The following MAST2 variants were observed in gnomAD, a reference collection of about 807,000 sequenced individuals.
MAST2 encodes the protein microtubule associated serine/threonine kinase 2.
MAST2 carries 70 observed loss-of-function variants against 147.4 expected under a neutral mutation model. The ratio of observed to expected loss-of-function variants is 0.47; its 90% CI spans 0.39 to 0.58. The LOEUF (loss-of-function observed/expected upper bound fraction) is 0.58, where lower values mean the gene tolerates loss of function less well. Among genes scored for constraint, MAST2 ranks in the 20% least tolerant of loss-of-function variants. The probability of loss-of-function intolerance (pLI) is 0.00; values close to 1 mark genes in which losing one functional copy is unlikely to be tolerated. For synonymous variants in MAST2, 869 were observed against 896.8 expected (o/e 0.97, Z 0.55); for missense variants, 2,080 against 2,302.3 (o/e 0.90, Z 1.98).
At chr1:45,962,700 A>C (rs1660607228) in intron 5 of MAST2, among the ~76,000 whole-genome samples, 1 of 151,846 alleles carries the variant, frequency 6.6e-6, no homozygotes, top group Admixed American at 6.6e-5. Context: ...GATTGCAAAA[A>C]TTTTCTCCCA....
intron 4 of MAST2, among the ~76,000 whole-genome samples, chr1:45,899,778 G>A (rs1557882925): frequency 6.6e-6 from 1 of 151,900 alleles, no homozygotes; most frequent in African/African-American, 2.4e-5. Context: ...ACCAGTGTAG[G>A]TGTCTTTTTG....
chr1:45,815,460 G>A (rs78946735), intron 1 of MAST2, among the ~76,000 whole-genome samples: 1 of 152,088 alleles, frequency 6.6e-6, no homozygotes, highest in African/African-American at 2.4e-5. Context: ...GTGAGCCACC[G>A]TGACTGGTCA....
rs369364052 is a variant in MAST2 at position 46,000,036 on chromosome 1, G to A, written c.668+2237G>A. Among the ~76,000 whole-genome samples, 513 of 152,242 alleles carry A rather than the reference G, an allele frequency of 3.4e-3. 1 individual carries two copies. The highest frequency in any genetic ancestry group is 0.012 in the African/African-American group (491 of 41,548). On this transcript the variant is annotated intron_variant, in intron 6 of 28. Transcript: ENST00000361297. ...TGCATGAAAGAACAGGAAGAGGGCCGGGCACAGTGGCTCACGCCTGTAATC... is the reference window on the plus strand; with the variant it reads ...TGCATGAAAGAACAGGAAGAGGGCCAGGCACAGTGGCTCACGCCTGTAATC...
chr1:45,874,068 G>T (rs1210790908), intron 3 of MAST2, among the ~76,000 whole-genome samples: 3 of 152,088 alleles, frequency 2.0e-5, no homozygotes, highest in Non-Finnish European at 4.4e-5. Context: ...CAATCCTCTC[G>T]CCTCGGCATC....
At chr1:45,819,414 C>A (rs4330954) in intron 1 of MAST2, among the ~76,000 whole-genome samples, 2,983 of 152,118 alleles carry the variant, frequency 0.02, 114 homozygotes, top group African/African-American at 0.069. Flanking sequence ...GAAAAGAAGT[C>A]AAATTATCCT....
At chr1:45,949,165 A>G (rs1557950511) in intron 4 of MAST2, among the ~76,000 whole-genome samples, 1 of 152,018 alleles carries the variant, frequency 6.6e-6, no homozygotes. Context: ...GGACACAGGA[A>G]TGGGCAGATT....
chr1:45,950,351 C>T (rs1658749153), intron 4 of MAST2, among the ~76,000 whole-genome samples: 2 of 152,198 alleles, frequency 1.3e-5, no homozygotes, highest in Admixed American at 1.3e-4. Context: ...TTAGAATGGA[C>T]ACCCCCTACA....
At chr1:45,938,811 A>T (rs1656679924) in intron 4 of MAST2, among the ~76,000 whole-genome samples, 1 of 152,168 alleles carries the variant, frequency 6.6e-6, no homozygotes, top group East Asian at 1.9e-4. Context: ...ATGGGTAATG[A>T]TCTGAGCATC....
At chr1:45,936,451 A>G (rs1656203403) in intron 4 of MAST2, among the ~76,000 whole-genome samples, 1 of 132,982 alleles carries the variant, frequency 7.5e-6, no homozygotes, top group Non-Finnish European at 1.6e-5. Flanking sequence ...TCCAGTTCTC[A>G]AGGGGACCGT....
chr1:45,932,663 A>G, intron 4 of MAST2, among the ~76,000 whole-genome samples: 1 of 151,902 alleles, frequency 6.6e-6, no homozygotes, highest in East Asian at 1.9e-4. Flanking sequence ...ACAGAGTGAG[A>G]CTCTGTCTTT....
chr1:45,834,849 A>G (rs868220733), intron 3 of MAST2, among the ~76,000 whole-genome samples: 1 of 151,784 alleles, frequency 6.6e-6, no homozygotes, highest in Admixed American at 6.6e-5. Context: ...TCTGATGTAA[A>G]TCCACTTGGC....
At position 46,023,390 on chromosome 1, in the gene MAST2, T is replaced by G; in HGVS notation, c.1571+72T>G. 7.2e-7 allele frequency: 1 copy of G among 1,397,494 alleles called. No individual in the cohort carries two copies. Among genetic ancestry groups the G allele is most frequent in the Admixed American group, 1.7e-5 (1 of 59,654 alleles). 86.6% of individuals were successfully genotyped at this position (1,397,494 alleles called of 1,614,324 possible). On this transcript the variant is annotated intron_variant, in intron 14 of 28. Coordinates refer to ENST00000361297, the MANE Select transcript of MAST2 (RefSeq NM_015112.3). This position sits in a 1 kb window ranked among gnomAD's most constrained non-coding sequence, Gnocchi z 4.9. ...CTTTGATCTCTTCCATGTGAGAGTG[T>G]ATGCTGCCCAGTCCTCTGGGCAGAT...
chr1:45,827,384 G>A (rs1570258254), intron 2 of MAST2, among the ~76,000 whole-genome samples: 1 of 152,066 alleles, frequency 6.6e-6, no homozygotes, highest in Non-Finnish European at 1.5e-5. Flanking sequence ...GGCAGTCTGC[G>A]GTATGCTTCA....
At chr1:45,910,783 C>T (rs1001853317) in intron 4 of MAST2, among the ~76,000 whole-genome samples, 1 of 152,198 alleles carries the variant, frequency 6.6e-6, no homozygotes, top group Non-Finnish European at 1.5e-5. Context: ...ACCCTGTGCT[C>T]CTCAAATATT....
At chr1:45,953,412 G>T in intron 4 of MAST2, among the ~76,000 whole-genome samples, 1 of 152,114 alleles carries the variant, frequency 6.6e-6, no homozygotes, top group East Asian at 1.9e-4. Context: ...AACCTCCTAT[G>T]CCCTGTGTAC....
At chr1:45,975,493 TCCAAAAAAAAA>T (rs1389009065) in intron 5 of MAST2, among the ~76,000 whole-genome samples, 8 of 57,566 alleles carry the variant, frequency 1.4e-4, no homozygotes, top group East Asian at 5.6e-4. Context: ...TCCCTGTCTC[TCCAAAAAAAAA>T]AAAAAAAAAA....
chr1:45,915,072 A>G (rs1652259911), intron 4 of MAST2, among the ~76,000 whole-genome samples: 1 of 152,234 alleles, frequency 6.6e-6, no homozygotes, highest in East Asian at 1.9e-4. Context: ...CTGGGACCAC[A>G]GGCATGCACC....
At chr1:45,986,137 A>G (rs374105408) in intron 5 of MAST2, among the ~76,000 whole-genome samples, 1 of 152,196 alleles carries the variant, frequency 6.6e-6, no homozygotes, top group Admixed American at 6.5e-5. Context: ...TTTTGTCTTT[A>G]CTATTAACTG....
Position 45,858,040 on chromosome 1 carries a change from C to T in MAST2, c.469-24324C>T, listed in dbSNP as rs577469361. On this transcript the variant is annotated intron_variant, in intron 3 of 28. Transcript: ENST00000361297. ...ATGGACATTTGGGTTGGTTCCAAGT[C>T]TTTGCTATTGTGAATAGTGCCGCAA... is the stretch of plus-strand genomic sequence containing the variant. Among the ~76,000 whole-genome samples the T allele has an allele frequency of 4.3e-3, 660 of 152,014 alleles. 6 individuals carry two copies. Among genetic ancestry groups the T allele is most frequent in the African/African-American group, 0.015 (621 of 41,464 alleles).
Sources: allele counts gnomAD v4.1 joint callset (sites outside exome capture counted in the v4.1 genomes callset), GRCh38; gene constraint gnomAD v4.1.1; non-coding constraint Gnocchi (gnomAD v3.1); transcripts MANE v1.5; gene names NCBI Gene and HGNC (gene_info 2026-07-23, HGNC 2026-07-21).